HTR5A: variants seen among roughly 807,000 people sequenced by gnomAD.
The protein encoded by HTR5A is 5-hydroxytryptamine receptor 5A, also known as 5-HT-5.
In HTR5A, 21 loss-of-function variants were observed where a neutral mutation model predicts 24.3. That is an observed-to-expected ratio of 0.86 (90% CI 0.61 to 1.24). The LOEUF (loss-of-function observed/expected upper bound fraction) is 1.24, where lower values mean the gene tolerates loss of function less well. Among genes scored for constraint, HTR5A ranks in the 50% most tolerant of loss-of-function variants. The pLI is 0.00. For missense variants in HTR5A, 497 were observed against 489.5 expected (o/e 1.02, Z -0.15); for synonymous variants, 260 against 213.7 (o/e 1.22, Z -1.89).
Position 155,070,584 on chromosome 7 carries a change from G to T in HTR5A, c.-316G>T, listed in dbSNP as rs1795277143. The T allele has an allele frequency of 4.8e-6, 2 of 417,374 alleles. No individual in the cohort carries two copies. The highest frequency in any genetic ancestry group is 3.9e-5 in the Admixed American group (1 of 25,514). 25.9% of individuals were successfully genotyped at this position (417,374 alleles called of 1,614,324 possible). On this transcript the variant is annotated 5_prime_UTR_variant, in exon 1 of 2. Coordinates refer to ENST00000287907, the MANE Select transcript of HTR5A (RefSeq NM_024012.4). ...ATCTGGGAGATGCTCGGCTCTGGGCGGCCAAACAGCCTTTCCACCAAGGCG... is the reference window on the plus strand; with the variant it reads ...ATCTGGGAGATGCTCGGCTCTGGGCTGCCAAACAGCCTTTCCACCAAGGCG...
intron 1 of HTR5A, among the ~76,000 whole-genome samples, chr7:155,071,841 C>A (rs1212752144): frequency 6.6e-6 from 1 of 152,190 alleles, no homozygotes; most frequent in Non-Finnish European, 1.5e-5. Context: ...CTAATCATAT[C>A]ATGTTCCTTC....
intron 1 of HTR5A, among the ~76,000 whole-genome samples, chr7:155,079,947 G>A (rs1049416573): frequency 2.0e-5 from 3 of 152,238 alleles, no homozygotes; most frequent in Non-Finnish European, 2.9e-5. Flanking sequence ...CCCAAGCAAA[G>A]TTTGATCAAT....
chr7:155,079,815 T>C (rs996520442), intron 1 of HTR5A, among the ~76,000 whole-genome samples: 7 of 152,108 alleles, frequency 4.6e-5, no homozygotes, highest in South Asian at 2.1e-4. Flanking sequence ...ACCAAACAGA[T>C]GGAGAAGGGG....
At chr7:155,080,494 T>C (rs748902960) in intron 1 of HTR5A, among the ~76,000 whole-genome samples, 3 of 152,188 alleles carry the variant, frequency 2.0e-5, no homozygotes, top group Admixed American at 6.5e-5. Context: ...GTGAATGCAC[T>C]TGTGGCCCAA....
At position 155,084,616 on chromosome 7, in the gene HTR5A, C is replaced by T; in HGVS notation, c.*129C>T. On this transcript the variant is annotated 3_prime_UTR_variant, in exon 2 of 2. Transcript: ENST00000287907. ...CCTCACCATTCTCCAGGGTCATCTT[C>T]AGAACTGCACTGGCCTCTTTTCCAC... 1.3e-6 allele frequency: 1 copy of T among 763,626 alleles called. No individual in the cohort carries two copies. Among genetic ancestry groups the T allele is most frequent in the South Asian group, 1.8e-5 (1 of 56,236 alleles). 47.3% of individuals were successfully genotyped at this position (763,626 alleles called of 1,614,324 possible).
intron 1 of HTR5A, among the ~76,000 whole-genome samples, chr7:155,076,055 T>C (rs1313376899): frequency 6.6e-6 from 1 of 152,200 alleles, no homozygotes; most frequent in Non-Finnish European, 1.5e-5. Flanking sequence ...ACACTTAACG[T>C]CAGCATAGGA....
chr7:155,072,738 G>A (rs911384664), intron 1 of HTR5A, among the ~76,000 whole-genome samples: 6 of 152,178 alleles, frequency 3.9e-5, no homozygotes, highest in Non-Finnish European at 7.4e-5. Context: ...TGATAGAGAT[G>A]TTGTCTTTGC....
chr7:155,078,781 A>G (rs1468794305), intron 1 of HTR5A, among the ~76,000 whole-genome samples: 30 of 82,724 alleles, frequency 3.6e-4, no homozygotes, highest in Non-Finnish European at 6.7e-4. Context: ...TTCTTATCTA[A>G]GAGGATTTTA....
intron 1 of HTR5A, among the ~76,000 whole-genome samples, chr7:155,078,452 G>A (rs934346228): frequency 6.6e-6 from 1 of 152,078 alleles, no homozygotes; most frequent in Non-Finnish European, 1.5e-5. Flanking sequence ...AGCTGGGACT[G>A]CAAGTGTGTT....
At chr7:155,077,435 G>A (rs924245453) in intron 1 of HTR5A, among the ~76,000 whole-genome samples, 28 of 149,358 alleles carry the variant, frequency 1.9e-4, no homozygotes, top group African/African-American at 3.0e-4. Flanking sequence ...TCACTATCTG[G>A]TATAACCTAT....
At chr7:155,077,282 A>G (rs1030214607) in intron 1 of HTR5A, 1 of 152,200 alleles carries the variant, frequency 6.6e-6, no homozygotes, top group African/African-American at 2.4e-5. Flanking sequence ...ATCTGAAAAT[A>G]TCAGTTATAA....
intron 1 of HTR5A, among the ~76,000 whole-genome samples, chr7:155,072,954 A>G (rs1009317729): frequency 6.6e-6 from 1 of 152,138 alleles, no homozygotes; most frequent in Non-Finnish European, 1.5e-5. Context: ...TTTTACCTAT[A>G]TCAGCATTTC....
rs191803687 is a variant in HTR5A, at chr7:155,074,142, T to C, written c.741+2502T>C. On this transcript the variant is annotated intron_variant, in intron 1 of 1. Transcript: ENST00000287907. ...TTTCTAAATGAGTTCTACCACTAGC[T>C]AGCTGTTCCCTGGGGAAACCACAAC... Among the ~76,000 whole-genome samples, 326 of 152,114 alleles carry C rather than the reference T, an allele frequency of 2.1e-3. 1 individual carries two copies. The highest frequency in any genetic ancestry group is 7.5e-3 in the African/African-American group (310 of 41,458).
In HTR5A at chr7:155,084,740, C is replaced by G; in HGVS notation, c.*253C>G. ...TCTGTGCTGACAGTCATGGTCTTTGCCCGCAAAGTGTCCTTTCCTCCCCAA... is the reference window on the plus strand; with the variant it reads ...TCTGTGCTGACAGTCATGGTCTTTGGCCGCAAAGTGTCCTTTCCTCCCCAA... On this transcript the variant is annotated 3_prime_UTR_variant, in exon 2 of 2. Coordinates refer to ENST00000287907, the MANE Select transcript of HTR5A (RefSeq NM_024012.4). 1 of 432,248 alleles carries G rather than the reference C, an allele frequency of 2.3e-6. No individual in the cohort carries two copies. The highest frequency in any genetic ancestry group is 4.1e-6 in the Non-Finnish European group (1 of 245,252). 26.8% of individuals were successfully genotyped at this position (432,248 alleles called of 1,614,324 possible).
At chr7:155,080,628 A>C (rs1288617898) in intron 1 of HTR5A, among the ~76,000 whole-genome samples, 1 of 152,234 alleles carries the variant, frequency 6.6e-6, no homozygotes, top group African/African-American at 2.4e-5. Flanking sequence ...CAGAATAGCG[A>C]GAGGAAGCTA....
At position 155,070,896 on chromosome 7, in the gene HTR5A, A is replaced by G. The variant is rs755948391; in HGVS notation, c.-4A>G. On this transcript the variant is annotated 5_prime_UTR_variant, in exon 1 of 2. Coordinates refer to ENST00000287907, the MANE Select transcript of HTR5A (RefSeq NM_024012.4). The stretch of plus-strand genomic sequence containing the variant: ...GTACCCCAGGGCGGTCTCCTGACCC[A>G]GAGATGGATTTACCTGTGAACCTAA... The G allele has an allele frequency of 6.3e-7, 1 of 1,594,878 alleles. No individual in the cohort carries two copies. The highest frequency in any genetic ancestry group is 8.5e-7 in the Non-Finnish European group (1 of 1,175,008).
intron 1 of HTR5A, among the ~76,000 whole-genome samples, chr7:155,083,279 A>G (rs1490020142): frequency 6.6e-6 from 1 of 152,160 alleles, no homozygotes; most frequent in Non-Finnish European, 1.5e-5. Flanking sequence ...ATGTTAATGC[A>G]GTCTCACTCA....
intron 1 of HTR5A, among the ~76,000 whole-genome samples, chr7:155,073,234 C>T (rs1256975648): frequency 1.4e-5 from 2 of 146,456 alleles, no homozygotes; most frequent in South Asian, 2.2e-4. Flanking sequence ...GGCAGGAGAA[C>T]GGAGTGAACC....
intron 1 of HTR5A, among the ~76,000 whole-genome samples, chr7:155,075,003 A>G (rs1261045414): frequency 6.6e-6 from 1 of 152,220 alleles, no homozygotes; most frequent in African/African-American, 2.4e-5. Flanking sequence ...TCAAAGATCT[A>G]GTTACTTGAC....
Sources: gnomAD v4.1 joint callset for allele counts (sites outside exome capture counted in the v4.1 genomes callset) on GRCh38, gnomAD v4.1.1 for gene constraint, MANE v1.5 for transcripts, NCBI Gene and HGNC (gene_info 2026-07-23, HGNC 2026-07-21) for gene names.